The following EEF1AKMT2 variants were observed in gnomAD, a reference collection of about 807,000 sequenced individuals.
EEF1AKMT2 encodes EEF1A lysine methyltransferase 2.
Under a neutral mutation model 35.8 loss-of-function variants are expected in EEF1AKMT2, and 32 were observed. The observed-to-expected ratio is 0.89, with a 90% CI of 0.67 to 1.20. The LOEUF (loss-of-function observed/expected upper bound fraction) is 1.20. Ranked by LOEUF, EEF1AKMT2 falls within the 50% of genes most tolerant of loss-of-function variation. The pLI is 0.00. For missense variants in EEF1AKMT2, 330 were observed against 347.5 expected (o/e 0.95, Z 0.40); for synonymous variants, 121 against 133.7 (o/e 0.91, Z 0.65).
At chr10:124,773,991 G>C (rs1950462759) in intron 4 of EEF1AKMT2, among the ~76,000 whole-genome samples, 1 of 152,136 alleles carries the variant, frequency 6.6e-6, no homozygotes, top group Admixed American at 6.6e-5. Flanking sequence ...TGTAAATTTA[G>C]GAATCATCAT....
At chr10:124,787,641 A>T (rs1950597558) in intron 3 of EEF1AKMT2, among the ~76,000 whole-genome samples, 1 of 151,952 alleles carries the variant, frequency 6.6e-6, no homozygotes, top group Admixed American at 6.6e-5. Context: ...AAAAAAATCA[A>T]AATATGAGGC....
chr10:124,762,089 G>A (rs895253576), intron 6 of EEF1AKMT2, among the ~76,000 whole-genome samples: 2 of 152,164 alleles, frequency 1.3e-5, no homozygotes, highest in South Asian at 4.1e-4. Context: ...AGAAAAAAAT[G>A]TTTTAAGTGA....
Position 124,791,788 on chromosome 10 carries a change from G to A in EEF1AKMT2, c.46C>T (p.Arg16Trp). 6.3e-7 allele frequency: 1 copy of A among 1,592,420 alleles called. No homozygotes were observed. The highest frequency in any genetic ancestry group is 8.5e-7 in the Non-Finnish European group (1 of 1,174,190). The change falls in exon 1 of 7, where the codon CGG (arginine) becomes TGG (tryptophan). Residue 16 changes from arginine (R) to tryptophan (W), a missense_variant. Physicochemically the swap from Arg to Trp is moderately radical, Grantham distance 101. Transcript: ENST00000368836. ...DGGGGAAVAA[R>W]SDKGSPGEDG... ...TCCCCGGGACTGCCCTTGTCCGACC[G>A]CGCCGCCACCGCAGCGCCACCGCCG...
intron 3 of EEF1AKMT2, among the ~76,000 whole-genome samples, chr10:124,778,266 GGAA>G (rs1950506532): frequency 6.6e-6 from 1 of 152,056 alleles, no homozygotes; most frequent in Non-Finnish European, 1.5e-5. Context: ...GAATCTGAGA[GGAA>G]AGGAAATGAG....
At chr10:124,773,196 T>C (rs1220712822) in intron 4 of EEF1AKMT2, among the ~76,000 whole-genome samples, 1 of 152,172 alleles carries the variant, frequency 6.6e-6, no homozygotes, top group Non-Finnish European at 1.5e-5. Flanking sequence ...TTTTTATCCT[T>C]GTTTTTTTAT....
At chr10:124,781,307 G>A (rs370838837) in intron 3 of EEF1AKMT2, among the ~76,000 whole-genome samples, 14 of 151,686 alleles carry the variant, frequency 9.2e-5, no homozygotes, top group African/African-American at 2.4e-4. Context: ...GGCCGGCTGC[G>A]GTGGCTCACG....
At chr10:124,769,218 C>CAAAAAA (rs1554917142) in intron 4 of EEF1AKMT2, among the ~76,000 whole-genome samples, 3 of 31,300 alleles carry the variant, frequency 9.6e-5, no homozygotes, top group Non-Finnish European at 1.7e-4. Context: ...ACACTGTCTC[C>CAAAAAA]AAAAAAAAAA....
At chr10:124,790,153 A>G in intron 2 of EEF1AKMT2, 120 bp downstream of exon 2, 1 of 709,078 alleles carries the variant, frequency 1.4e-6, no homozygotes, top group Non-Finnish European at 2.5e-6. Context: ...TCGGCCTCCC[A>G]AAGTGCTGGG....
chr10:124,782,895 A>G (rs142434989), intron 3 of EEF1AKMT2: 444 of 370,758 alleles, frequency 1.2e-3, no homozygotes, highest in Non-Finnish European at 2.0e-3. Context: ...CACATTGAAC[A>G]TAAATGTTCT....
rs1050851915 is a variant in EEF1AKMT2, at chr10:124,790,191, C to A, written c.176+82G>T. On this transcript the variant is annotated intron_variant, in intron 2 of 6. Coordinates refer to ENST00000368836, the MANE Select transcript of EEF1AKMT2 (RefSeq NM_212554.4). ...TACAGGCGTAAGCCACCGCGCCCGG[C>A]GAATATATACGTATTTTTTTAAACA... 87 of 1,139,740 alleles carry A rather than the reference C, an allele frequency of 7.6e-5. No homozygotes were observed. In the African/African-American group the frequency reaches 1.2e-3, roughly 16 times the overall value. The allele number at this position is 1,139,740 out of a possible 1,614,324, so 70.6% of individuals were successfully genotyped here. A position where few individuals can be genotyped will look rare whatever the true frequency, so the allele number is the denominator to read the frequency against.
chr10:124,767,855 G>A (rs551324407), intron 4 of EEF1AKMT2, among the ~76,000 whole-genome samples: 1 of 152,004 alleles, frequency 6.6e-6, no homozygotes, highest in South Asian at 2.1e-4. Flanking sequence ...GCGTGGTGGC[G>A]CATGCCAGTA....
intron 3 of EEF1AKMT2, 86 bp downstream of exon 3, chr10:124,788,957 A>T: frequency 1.2e-6 from 1 of 828,000 alleles, no homozygotes; most frequent in Non-Finnish European, 1.9e-6. Context: ...TTTTATATTT[A>T]GATGGTTAAT....
chr10:124,788,899 G>T, intron 3 of EEF1AKMT2, 144 bp downstream of exon 3: 1 of 592,690 alleles, frequency 1.7e-6, no homozygotes. Flanking sequence ...AATCCATGTA[G>T]CCTCCCTTTT....
chr10:124,773,202 T>C (rs1338439069), intron 4 of EEF1AKMT2, among the ~76,000 whole-genome samples: 1 of 152,184 alleles, frequency 6.6e-6, no homozygotes, highest in Non-Finnish European at 1.5e-5. Context: ...TCCTTGTTTT[T>C]TTATTTTTGT....
rs1256502664 is a variant in EEF1AKMT2, at chr10:124,760,172, GA to G, written c.*330del. 1 of 402,728 alleles carries G rather than the reference GA, an allele frequency of 2.5e-6. No individual in the cohort carries two copies. The highest frequency in any genetic ancestry group is 2.0e-5 in the African/African-American group (1 of 49,008). The allele number at this position is 402,728 out of a possible 1,614,324, so 24.9% of individuals were successfully genotyped here. A position where few individuals can be genotyped will look rare whatever the true frequency, so the allele number is the denominator to read the frequency against. Reference sequence around the variant, plus strand: ...TATAGGAAATTTTTTTAATCGAAAAGAAAACTATTTACATTTCAAATACAAA... The same window carrying G: ...TATAGGAAATTTTTTTAATCGAAAAGAAACTATTTACATTTCAAATACAAA... On this transcript the variant is annotated 3_prime_UTR_variant, in exon 7 of 7. Coordinates refer to ENST00000368836, the MANE Select transcript of EEF1AKMT2 (RefSeq NM_212554.4).
chr10:124,770,472 T>G lies in EEF1AKMT2; in HGVS notation c.399+4203A>C, dbSNP rs1286039396. Among the ~76,000 whole-genome samples the G allele has an allele frequency of 3.3e-5, 5 of 152,330 alleles. No homozygotes were observed. The East Asian group carries it at 7.7e-4, about 23-fold the overall frequency. On this transcript the variant is annotated intron_variant, in intron 4 of 6. Coordinates refer to ENST00000368836, the MANE Select transcript of EEF1AKMT2 (RefSeq NM_212554.4). ...CACTAACAAGCCATCATCGAAATCA[T>G]GAGTAAGTCATAATCTTTTCTCTGG...
At chr10:124,770,847 C>T (rs1265837034) in intron 4 of EEF1AKMT2, among the ~76,000 whole-genome samples, 1 of 152,242 alleles carries the variant, frequency 6.6e-6, no homozygotes, top group African/African-American at 2.4e-5. Flanking sequence ...AACTCCTTAT[C>T]TGATCAAGTT....
At chr10:124,787,148 G>A (rs1167036616) in intron 3 of EEF1AKMT2, among the ~76,000 whole-genome samples, 5 of 46 alleles carry the variant, frequency 0.11, no homozygotes, top group Middle Eastern at 0.5. Context: ...GGGTTTCACC[G>A]TGTTAGCCAA....
intron 3 of EEF1AKMT2, among the ~76,000 whole-genome samples, chr10:124,786,729 G>T (rs1268461549): frequency 6.6e-6 from 1 of 151,420 alleles, no homozygotes; most frequent in Non-Finnish European, 1.5e-5. Context: ...AAAATCGCTT[G>T]AACCCAGGAA....
Sources: allele counts gnomAD v4.1 joint callset (sites outside exome capture counted in the v4.1 genomes callset), GRCh38; gene constraint gnomAD v4.1.1; transcripts MANE v1.5; gene names NCBI Gene and HGNC (gene_info 2026-07-23, HGNC 2026-07-21).